Variants in CHRNB1 observed in about 807,000 individuals in gnomAD.
The protein encoded by CHRNB1 is cholinergic receptor nicotinic beta 1 subunit, also known as acetylcholine receptor subunit beta.
CHRNB1 carries 47 observed loss-of-function variants against 53.8 expected under a neutral mutation model. That is an observed-to-expected ratio of 0.87 (90% CI 0.69 to 1.11). The LOEUF is 1.11. Among genes scored for constraint, CHRNB1 ranks in the 50% most tolerant of loss-of-function variants. The pLI, the probability that CHRNB1 is intolerant of heterozygous loss-of-function variation, is 0.00. For synonymous variants in CHRNB1, 259 were observed against 263.5 expected (o/e 0.98, Z 0.16); for missense variants, 605 against 654.9 (o/e 0.92, Z 0.83).
At chr17:7,448,220 A>T (rs2150839087) in intron 6 of CHRNB1, among the ~76,000 whole-genome samples, 1 of 151,398 alleles carries the variant, frequency 6.6e-6, no homozygotes, top group South Asian at 2.1e-4. Flanking sequence ...CCCCGTCTCT[A>T]CTAAAAATAC....
chr17:7,455,799 A>C lies in CHRNB1; in HGVS notation c.1223A>C (p.Gln408Pro). 6.2e-7 allele frequency: 1 copy of C among 1,614,150 alleles called. No individual in the cohort carries two copies. Among genetic ancestry groups the C allele is most frequent in the Non-Finnish European group, 8.5e-7 (1 of 1,180,018 alleles). The change falls in exon 10 of 11, where the codon CAG becomes CCG. Residue 408 changes from glutamine to proline, a missense_variant. Physicochemically the swap from Gln to Pro is moderately conservative, Grantham distance 76. Coordinates refer to ENST00000306071, the MANE Select transcript of CHRNB1 (RefSeq NM_000747.3). ...GCCAGTCACTCCTCTTCCAGGTTCC[A>C]GCCTGAACTGTCTGCCCCTGATCTG... The part of the protein sequence containing the change: ...DFLFPKPNRF[Q>P]PELSAPDLRR...
chr17:7,445,511 G>A lies in CHRNB1; in HGVS notation c.198+102G>A. The A allele has an allele frequency of 6.5e-7, 1 of 1,546,410 alleles. No individual in the cohort carries two copies. The highest frequency in any genetic ancestry group is 8.7e-7 in the Non-Finnish European group (1 of 1,150,658). ...ACAGGCTGGGGGCGGGGCCTGGGAC[G>A]AGACCAGGCTGAGATGGACCAGCCT... On this transcript the variant is annotated intron_variant, in intron 2 of 10. Transcript: ENST00000306071. This position sits in a 1 kb window ranked among gnomAD's most constrained non-coding sequence, Gnocchi z 5.7.
rs1184434149 is a variant in CHRNB1 at position 7,445,324 on chromosome 17, A to T, written c.113A>T (p.Tyr38Phe). Residue 38 changes from tyrosine (Y) to phenylalanine (F), a missense_variant, in exon 2 of 11, where the codon TAT becomes TTT. Transcript: ENST00000306071. The surrounding 1 kb of genome is among the most constrained non-coding windows in gnomAD (Gnocchi z 5.7). ...CTCCGGGAGAAACTTTTCTCTGGCT[A>T]TGATAGCTCCGTGCGGCCAGCGCGG... Reference protein sequence around the residue: ...GRLREKLFSGYDSSVRPAREV... With the variant: ...GRLREKLFSGFDSSVRPAREV... 4.3e-6 allele frequency: 7 copies of T among 1,613,068 alleles called. No individual in the cohort carries two copies. The highest frequency in any genetic ancestry group is 1.7e-5 in the Admixed American group (1 of 59,994).
chr17:7,456,969 C>G lies in CHRNB1; in HGVS notation c.*246C>G. 1 of 543,218 alleles carries G rather than the reference C, an allele frequency of 1.8e-6. No individual in the cohort carries two copies. Among genetic ancestry groups the G allele is most frequent in the Admixed American group, 3.1e-5 (1 of 32,128 alleles). 33.6% of individuals were successfully genotyped at this position (543,218 alleles called of 1,614,324 possible). A position where few individuals can be genotyped will look rare whatever the true frequency, so the allele number is the denominator to read the frequency against. On this transcript the variant is annotated 3_prime_UTR_variant, in exon 11 of 11. Transcript: ENST00000306071. ...CTCTTTTGGGTATCAACACCTAGGT[C>G]GCCAGTGAAATAGAACACAGAACAG...
Position 7,448,630 on chromosome 17 carries a change from C to G in CHRNB1, c.662C>G (p.Pro221Arg). Residue 221 changes from proline to arginine, a missense_variant, in exon 7 of 11, where the codon CCA becomes CGA. Pro to Arg is a moderately radical substitution (Grantham distance 103, BLOSUM62 -2). Coordinates refer to ENST00000306071, the MANE Select transcript of CHRNB1 (RefSeq NM_000747.3). ...IHKPSRLIQP[P>R]GDPRGGREGQ... is the part of the protein sequence containing the mutation. ...AAGCCCTCTCGGCTAATCCAGCCTC[C>G]AGGCGATCCTAGGGGAGGGAGGGAA... 2 of 1,614,158 alleles carry G rather than the reference C, an allele frequency of 1.2e-6. No homozygotes were observed. The highest frequency in any genetic ancestry group is 1.7e-6 in the Non-Finnish European group (2 of 1,180,030).
chr17:7,448,170 AG>A (rs1440660019), intron 6 of CHRNB1, among the ~76,000 whole-genome samples: 1 of 146,624 alleles, frequency 6.8e-6, no homozygotes, highest in Non-Finnish European at 1.5e-5. Context: ...AAATCACCTG[AG>A]GTCAGGAGTT....
Position 7,448,629 on chromosome 17 carries a change from C to T in CHRNB1, c.661C>T (p.Pro221Ser), listed in dbSNP as rs774509838. The change falls in exon 7 of 11, where the codon CCA becomes TCA. Residue 221 changes from proline (P) to serine (S), a missense_variant. Coordinates refer to ENST00000306071, the MANE Select transcript of CHRNB1 (RefSeq NM_000747.3). ...IHKPSRLIQP[P>S]GDPRGGREGQ... ...CAAGCCCTCTCGGCTAATCCAGCCT[C>T]CAGGCGATCCTAGGGGAGGGAGGGA... 3 of 1,614,132 alleles carry T rather than the reference C, an allele frequency of 1.9e-6. No individual in the cohort carries two copies. The highest frequency in any genetic ancestry group is 2.2e-5 in the East Asian group (1 of 44,880).
At chr17:7,446,167 T>TTGAATATCCAGCCC in intron 3 of CHRNB1, 54 bp downstream of exon 3, 2 of 1,428,648 alleles carry the variant, frequency 1.4e-6, no homozygotes, top group Non-Finnish European at 9.9e-7. Flanking sequence ...GACAATTTCC[T>TTGAATATCCAGCCC]TGAATATCCA....
chr17:7,445,505 T>G lies in CHRNB1; in HGVS notation c.198+96T>G. 6.4e-7 allele frequency: 1 copy of G among 1,551,824 alleles called. No individual in the cohort carries two copies. Among genetic ancestry groups the G allele is most frequent in the Non-Finnish European group, 8.7e-7 (1 of 1,153,426 alleles). On this transcript the variant is annotated intron_variant, in intron 2 of 10. Transcript: ENST00000306071. The surrounding 1 kb of genome is among the most constrained non-coding windows in gnomAD (Gnocchi z 5.7). ...CCAGGGACAGGCTGGGGGCGGGGCC[T>G]GGGACGAGACCAGGCTGAGATGGAC...
At chr17:7,454,541 C>T (rs1024392634) in intron 8 of CHRNB1, 21 bp downstream of exon 8, 27 of 1,598,278 alleles carry the variant, frequency 1.7e-5, no homozygotes, top group Non-Finnish European at 2.3e-5. Context: ...TCTCCTCCTC[C>T]AACCCCAATT....
At position 7,457,027 on chromosome 17, in the gene CHRNB1, A is replaced by C; in HGVS notation, c.*304A>C. ...ATTATAAGCCTTATGAGGTCAAGAA[A>C]TGTGACTTGGCCGGGCGCGGTGGCT... On this transcript the variant is annotated 3_prime_UTR_variant, in exon 11 of 11. Transcript: ENST00000306071. 2.6e-6 allele frequency: 1 copy of C among 380,292 alleles called. No individual in the cohort carries two copies. 23.6% of individuals were successfully genotyped at this position (380,292 alleles called of 1,614,324 possible).
Position 7,447,716 on chromosome 17 carries a change from A to T in CHRNB1, c.610+66A>T, listed in dbSNP as rs79073039. 263 of 1,588,080 alleles carry T rather than the reference A, an allele frequency of 1.7e-4. No homozygotes were observed. In the African/African-American group the frequency reaches 3.2e-3, roughly 20 times the overall value. Reference sequence around the variant, plus strand: ...TCCAGCTTCTAACAGACTCATAAATATACTGTCAGTGATGCCCAATATAGC... The same window carrying T: ...TCCAGCTTCTAACAGACTCATAAATTTACTGTCAGTGATGCCCAATATAGC... On this transcript the variant is annotated intron_variant, in intron 6 of 10. Transcript: ENST00000306071.
At chr17:7,452,042 CT>C (rs1272536755) in intron 7 of CHRNB1, among the ~76,000 whole-genome samples, 1 of 147,494 alleles carries the variant, frequency 6.8e-6, no homozygotes, top group South Asian at 2.1e-4. Context: ...GATTCTATTT[CT>C]TTCTTTCCTT....
Position 7,446,333 on chromosome 17 carries a change from G to GTGTC in CHRNB1, c.243+223_243+224insCTGT, listed in dbSNP as rs1555551792. On this transcript the variant is annotated intron_variant, in intron 3 of 10. Coordinates refer to ENST00000306071, the MANE Select transcript of CHRNB1 (RefSeq NM_000747.3). ...TGTGTGTGTGTGTGTGTGTCTGTGTGTGTGTGTGTGTGTGTGTGTGTGTGT... is the reference window on the plus strand; with the variant it reads ...TGTGTGTGTGTGTGTGTGTCTGTGTGTGTCTGTGTGTGTGTGTGTGTGTGTGTGT... 1,448 of 253,380 alleles carry GTGTC rather than the reference G, an allele frequency of 5.7e-3. 6 individuals carry two copies. Among genetic ancestry groups the GTGTC allele is most frequent in the African/African-American group, 0.013 (454 of 35,322 alleles). The allele number at this position is 253,380 out of a possible 1,614,324, so 15.7% of individuals were successfully genotyped here. A position where few individuals can be genotyped will look rare whatever the true frequency, so the allele number is the denominator to read the frequency against.
At position 7,448,761 on chromosome 17, in the gene CHRNB1, T is replaced by G. The variant is rs1908769177; in HGVS notation, c.793T>G (p.Phe265Val). The G allele has an allele frequency of 3.1e-6, 5 of 1,614,242 alleles. No homozygotes were observed. Among genetic ancestry groups the G allele is most frequent in the Non-Finnish European group, 4.2e-6 (5 of 1,180,040 alleles). The change falls in exon 7 of 11, where the codon TTC (phenylalanine) becomes GTC (valine). Residue 265 changes from phenylalanine (F) to valine (V), a missense_variant. Physicochemically the swap from Phe to Val is conservative, Grantham distance 50 (BLOSUM62 -1). Coordinates refer to ENST00000306071, the MANE Select transcript of CHRNB1 (RefSeq NM_000747.3). ...PCILITLLAI[F>V]VFYLPPDAGE... The stretch of plus-strand genomic sequence containing the variant: ...CATCCTCATCACTCTTCTGGCCATC[T>G]TCGTCTTCTACCTGCCACCAGATGC...
intron 9 of CHRNB1, 157 bp from the exon 10 acceptor site, chr17:7,455,637 G>A: frequency 1.6e-6 from 2 of 1,249,590 alleles, no homozygotes; most frequent in Non-Finnish European, 2.3e-6. Flanking sequence ...GGTGGAAGAA[G>A]TTGCACAAGG....
chr17:7,456,093 C>T (rs2069948386), intron 10 of CHRNB1, 152 bp downstream of exon 10: 3 of 679,532 alleles, frequency 4.4e-6, no homozygotes, highest in Non-Finnish European at 4.6e-6. Context: ...CTCGCTCTGT[C>T]GCCCAGGCTG....
Position 7,445,462 on chromosome 17 carries a change from G to C in CHRNB1, c.198+53G>C. 6.3e-7 allele frequency: 1 copy of C among 1,594,976 alleles called. No homozygotes were observed. The highest frequency in any genetic ancestry group is 8.5e-7 in the Non-Finnish European group (1 of 1,173,874). On this transcript the variant is annotated intron_variant, in intron 2 of 10. Transcript: ENST00000306071. The surrounding 1 kb of genome is among the most constrained non-coding windows in gnomAD (Gnocchi z 5.7). ...GGCCAGCCGACCGGCCGGGGGCGTG[G>C]CTTTAGGCAAGGCCGGACCAGGGAC...
At chr17:7,450,014 A>G (rs954626486) in intron 7 of CHRNB1, among the ~76,000 whole-genome samples, 4 of 150,730 alleles carry the variant, frequency 2.7e-5, no homozygotes, top group African/African-American at 4.9e-5. Context: ...ACTGAACTCC[A>G]GCCTGGGAGA....
Sources: allele counts gnomAD v4.1 joint callset (sites outside exome capture counted in the v4.1 genomes callset), GRCh38; gene constraint gnomAD v4.1.1; non-coding constraint Gnocchi (gnomAD v3.1); transcripts MANE v1.5; gene names NCBI Gene and HGNC (gene_info 2026-07-23, HGNC 2026-07-21).